Variants in CDK7 observed in about 807,000 individuals in gnomAD.
CDK7 encodes cyclin dependent kinase 7.
In CDK7, 25 loss-of-function variants were observed where a neutral mutation model predicts 49.1. The observed-to-expected ratio is 0.51, with a 90% CI of 0.37 to 0.71. The LOEUF (loss-of-function observed/expected upper bound fraction) is 0.71. Ranked by LOEUF, CDK7 falls within the 30% of genes least tolerant of loss-of-function variation. The probability of loss-of-function intolerance (pLI) is 0.00; values close to 1 mark genes in which losing one functional copy is unlikely to be tolerated. For missense variants in CDK7, 316 were observed against 411.7 expected (o/e 0.77, Z 2.01); for synonymous variants, 107 against 140.0 (o/e 0.76, Z 1.67).
chr5:69,250,500 T>C (rs773035445), intron 2 of CDK7, among the ~76,000 whole-genome samples: 1 of 152,162 alleles, frequency 6.6e-6, no homozygotes, highest in Non-Finnish European at 1.5e-5. Flanking sequence ...GTACCACCAG[T>C]GTTCACTTAA....
chr5:69,236,378 C>T (rs2932780), intron 2 of CDK7, among the ~76,000 whole-genome samples: 68,283 of 151,860 alleles, frequency 0.45, 15,492 homozygotes, highest in South Asian at 0.56. Flanking sequence ...GACTGAGTGA[C>T]TAGGTGACTT....
chr5:69,245,163 T>A (rs1342098101), intron 2 of CDK7, among the ~76,000 whole-genome samples: 2 of 152,130 alleles, frequency 1.3e-5, no homozygotes, highest in Non-Finnish European at 2.9e-5. Flanking sequence ...TTTGTCTGAT[T>A]TTGGTATCAG....
chr5:69,254,295 G>T (rs990424690), intron 3 of CDK7, among the ~76,000 whole-genome samples: 1 of 151,976 alleles, frequency 6.6e-6, no homozygotes. Context: ...AGGCCAAAGC[G>T]GGTGGATCAC....
chr5:69,273,505 G>T (rs1165455398), intron 10 of CDK7, among the ~76,000 whole-genome samples: 1 of 152,092 alleles, frequency 6.6e-6, no homozygotes, highest in African/African-American at 2.4e-5. Context: ...TTGAGAACAT[G>T]GTAATGGGGA....
rs1329675036 is a variant in CDK7, at chr5:69,235,049, T to C, written c.66+8T>C. On this transcript the variant is annotated splice_region_variant and intron_variant, in intron 1 of 11. Coordinates refer to ENST00000256443, the MANE Select transcript of CDK7 (RefSeq NM_001799.4). ...TTCCTTGGGGAGGGACAGGTGAGGCTCTCTGGAAGGACGGGGAGGGCCCCA... is the reference window on the plus strand; with the variant it reads ...TTCCTTGGGGAGGGACAGGTGAGGCCCTCTGGAAGGACGGGGAGGGCCCCA... The C allele has an allele frequency of 6.3e-7, 1 of 1,598,246 alleles. No individual in the cohort carries two copies. The highest frequency in any genetic ancestry group is 8.5e-7 in the Non-Finnish European group (1 of 1,172,610).
rs529889236 is a variant in CDK7 at position 69,269,336 on chromosome 5, G to T, written c.714+43G>T. 2.4e-4 allele frequency: 336 copies of T among 1,381,026 alleles called. 5 individuals are homozygous for T. The South Asian group carries it at 3.0e-3, about 12-fold the overall frequency. 85.5% of individuals were successfully genotyped at this position (1,381,026 alleles called of 1,614,324 possible). A position where few individuals can be genotyped will look rare whatever the true frequency, so the allele number is the denominator to read the frequency against. On this transcript the variant is annotated intron_variant, in intron 9 of 11. Coordinates refer to ENST00000256443, the MANE Select transcript of CDK7 (RefSeq NM_001799.4). ...TTCTTTGAAATGTAATTAGGACTCT[G>T]TAAAGTTCTTAAACTGTCATATACT...
intron 8 of CDK7, among the ~76,000 whole-genome samples, chr5:69,266,726 C>T (rs1419608723): frequency 6.7e-6 from 1 of 150,088 alleles, no homozygotes; most frequent in Non-Finnish European, 1.5e-5. Context: ...AAAAAGGAAC[C>T]GATGGATATG....
In CDK7 at chr5:69,234,926, T is replaced by G. The variant is rs1307572122; in HGVS notation, c.-50T>G. 3.2e-6 allele frequency: 5 copies of G among 1,543,272 alleles called. No homozygotes were observed. The Admixed American group carries it at 9.7e-5, about 30-fold the overall frequency. On this transcript the variant is annotated 5_prime_UTR_variant, in exon 1 of 12. Transcript: ENST00000256443. Reference sequence around the variant, plus strand: ...CTTTAAGGTAGCTTTAAATTCGTGTTGTCCTGGGAGCTCGCCCTTTTCGGC... The same window carrying G: ...CTTTAAGGTAGCTTTAAATTCGTGTGGTCCTGGGAGCTCGCCCTTTTCGGC...
intron 7 of CDK7, 62 bp from the exon 8 acceptor site, chr5:69,262,143 T>C (rs1225103447): frequency 1.2e-6 from 2 of 1,605,860 alleles, no homozygotes; most frequent in Admixed American, 1.7e-5. Context: ...CGTTCATCCC[T>C]AGAGATAGAA....
intron 2 of CDK7, among the ~76,000 whole-genome samples, chr5:69,248,808 T>C (rs1471691925): frequency 6.9e-6 from 1 of 145,422 alleles, no homozygotes; most frequent in African/African-American, 2.5e-5. Flanking sequence ...TTTTCTTTTT[T>C]TTTTTTTTTT....
intron 7 of CDK7, among the ~76,000 whole-genome samples, chr5:69,260,176 C>T (rs1186371420): frequency 6.6e-6 from 1 of 152,140 alleles, no homozygotes; most frequent in Non-Finnish European, 1.5e-5. Flanking sequence ...GGTGAAACCC[C>T]GTCTCTACTA....
chr5:69,249,556 A>AG (rs1414295122), intron 2 of CDK7, among the ~76,000 whole-genome samples: 1 of 129,472 alleles, frequency 7.7e-6, no homozygotes, highest in East Asian at 2.0e-4. Flanking sequence ...GTTTCAAAAA[A>AG]GGGAAAAAAG....
chr5:69,275,679 TA>T (rs1201893250), intron 10 of CDK7, among the ~76,000 whole-genome samples: 1 of 152,204 alleles, frequency 6.6e-6, no homozygotes, highest in Non-Finnish European at 1.5e-5. Flanking sequence ...AAATATTTTA[TA>T]AAATTACCTT....
chr5:69,264,937 C>T (rs1208372814), intron 8 of CDK7, among the ~76,000 whole-genome samples: 1 of 150,464 alleles, frequency 6.6e-6, no homozygotes, highest in African/African-American at 2.5e-5. Context: ...CACCATTGCA[C>T]TCCAGCCTGG....
At chr5:69,260,183 A>G (rs1176265542) in intron 7 of CDK7, among the ~76,000 whole-genome samples, 1 of 152,224 alleles carries the variant, frequency 6.6e-6, no homozygotes, top group Non-Finnish European at 1.5e-5. Context: ...CCCCGTCTCT[A>G]CTAAAAATAC....
At chr5:69,256,297 C>G (rs1750486520) in intron 5 of CDK7, among the ~76,000 whole-genome samples, 1 of 152,070 alleles carries the variant, frequency 6.6e-6, no homozygotes, top group Admixed American at 6.6e-5. Context: ...AAACTTATTT[C>G]CATATAATCA....
intron 5 of CDK7, 41 bp downstream of exon 5, chr5:69,255,569 T>G (rs1481543081): frequency 1.5e-6 from 2 of 1,327,882 alleles, no homozygotes; most frequent in Non-Finnish European, 2.2e-6. Flanking sequence ...TGTCCCAGTT[T>G]ATCAAACAAG....
At chr5:69,274,539 A>G (rs1469198985) in intron 10 of CDK7, among the ~76,000 whole-genome samples, 1 of 152,192 alleles carries the variant, frequency 6.6e-6, no homozygotes, top group African/African-American at 2.4e-5. Flanking sequence ...TACTGCAAAT[A>G]ATATTGGGAG....
At chr5:69,255,702 T>C in intron 5 of CDK7, 174 bp downstream of exon 5, 1 of 661,052 alleles carries the variant, frequency 1.5e-6, no homozygotes, top group Non-Finnish European at 2.7e-6. Flanking sequence ...TCTAATCATT[T>C]AGTGATATCC....
Sources: allele counts gnomAD v4.1 joint callset (sites outside exome capture counted in the v4.1 genomes callset), GRCh38; gene constraint gnomAD v4.1.1; transcripts MANE v1.5; gene names NCBI Gene and HGNC (gene_info 2026-07-23, HGNC 2026-07-21).